FHOD3: variants seen among roughly 807,000 people sequenced by gnomAD.
The protein encoded by FHOD3 is formin homology 2 domain containing 3.
FHOD3 carries 90 observed loss-of-function variants against 173.0 expected under a neutral mutation model. The observed-to-expected ratio is 0.52, with a 90% CI of 0.44 to 0.62. The LOEUF (loss-of-function observed/expected upper bound fraction) is 0.62. FHOD3 is among the 20% of genes least tolerant of loss of function. The probability of loss-of-function intolerance (pLI) is 0.00; values close to 1 mark genes in which losing one functional copy is unlikely to be tolerated. For synonymous variants in FHOD3, 828 were observed against 823.0 expected, an observed-to-expected ratio of 1.01 and a Z score of -0.10; for missense variants, 1,945 against 2,034.7, an observed-to-expected ratio of 0.96 and a Z score of 0.85.
chr18:36,516,868 G>A (rs2056012463), intron 5 of FHOD3, among the ~76,000 whole-genome samples: 1 of 152,208 alleles, frequency 6.6e-6, no homozygotes, highest in Non-Finnish European at 1.5e-5. Context: ...GCTCTGTGTG[G>A]CTACATGGGA....
chr18:36,578,206 G>A (rs1038256635), intron 6 of FHOD3, among the ~76,000 whole-genome samples: 40 of 152,214 alleles, frequency 2.6e-4, no homozygotes, highest in African/African-American at 7.5e-4. Flanking sequence ...AAAGGAAAGA[G>A]GTTTAATGGA....
intron 1 of FHOD3, among the ~76,000 whole-genome samples, chr18:36,351,368 C>A (rs576320942): frequency 6.6e-6 from 1 of 152,084 alleles, no homozygotes; most frequent in African/African-American, 2.4e-5. Flanking sequence ...AGGGGGGACT[C>A]GGGCAGTTCC....
chr18:36,357,014 C>A (rs2046393183), intron 2 of FHOD3, among the ~76,000 whole-genome samples: 1 of 152,204 alleles, frequency 6.6e-6, no homozygotes, highest in East Asian at 1.9e-4. Flanking sequence ...TTCCCTGATA[C>A]TTTCCAAATA....
At chr18:36,420,487 G>A (rs2147070204) in intron 3 of FHOD3, among the ~76,000 whole-genome samples, 1 of 152,342 alleles carries the variant, frequency 6.6e-6, no homozygotes, top group African/African-American at 2.4e-5. Context: ...ACCAGTGTCT[G>A]TGTGCTGCCT....
At chr18:36,622,887 C>T (rs1208660942) in intron 9 of FHOD3, among the ~76,000 whole-genome samples, 2 of 152,146 alleles carry the variant, frequency 1.3e-5, no homozygotes, top group Admixed American at 1.3e-4. Context: ...ACTGATGACT[C>T]TAGAATTCTT....
At chr18:36,722,798 T>G (rs191964697) in intron 19 of FHOD3, among the ~76,000 whole-genome samples, 1 of 152,200 alleles carries the variant, frequency 6.6e-6, no homozygotes, top group Non-Finnish European at 1.5e-5. Flanking sequence ...TGATTTCAGG[T>G]GAAAAATGAG....
At position 36,409,248 on chromosome 18, in the gene FHOD3, T is replaced by C. The variant is rs548099214; in HGVS notation, c.337+36504T>C. On this transcript the variant is annotated intron_variant, in intron 3 of 28. Coordinates refer to ENST00000590592, the MANE Select transcript of FHOD3 (RefSeq NM_001281740.3). ...AGCACCTGCCTTGTAAGAATTAAGC[T>C]GCTGGTCTGAAGCATGCAGGCGTGA... Among the ~76,000 whole-genome samples the C allele has an allele frequency of 1.1e-4, 16 of 152,304 alleles. No homozygotes were observed. The South Asian group carries it at 2.3e-3, about 22-fold the overall frequency.
At chr18:36,590,381 CAT>C (rs903578360) in intron 6 of FHOD3, among the ~76,000 whole-genome samples, 64 of 148,402 alleles carry the variant, frequency 4.3e-4, no homozygotes, top group African/African-American at 1.6e-3. Flanking sequence ...GAGGTTGGCT[CAT>C]AGAATTCTTT....
intron 19 of FHOD3, among the ~76,000 whole-genome samples, chr18:36,720,218 A>G (rs115732591): frequency 0.019 from 2,871 of 148,296 alleles, 97 homozygotes; most frequent in African/African-American, 0.068. Flanking sequence ...CGAGCCATCC[A>G]CATGCCCCGT....
In FHOD3 at chr18:36,594,917, C is replaced by A. The variant is rs756823265; in HGVS notation, c.718+19C>A. ...AAAAGAGGTGAGTAGTCCCTGCCCC[C>A]TTATGTCATGAAGGTGAAGGTGTCT... is the stretch of plus-strand genomic sequence containing the variant. On this transcript the variant is annotated intron_variant, in intron 7 of 28. Coordinates refer to ENST00000590592, the MANE Select transcript of FHOD3 (RefSeq NM_001281740.3). 2 of 1,535,992 alleles carry A rather than the reference C, an allele frequency of 1.3e-6. No individual in the cohort carries two copies. The highest frequency in any genetic ancestry group is 1.8e-6 in the Non-Finnish European group (2 of 1,112,214).
intron 3 of FHOD3, among the ~76,000 whole-genome samples, chr18:36,412,099 T>C (rs2049381529): frequency 6.6e-6 from 1 of 152,106 alleles, no homozygotes; most frequent in Admixed American, 6.5e-5. Context: ...CAATCCCCCA[T>C]CCCACGCAGG....
chr18:36,583,366 A>G (rs571913116), intron 6 of FHOD3, among the ~76,000 whole-genome samples: 47 of 152,206 alleles, frequency 3.1e-4, no homozygotes, highest in Non-Finnish European at 6.2e-4. Flanking sequence ...AATAGTGAAG[A>G]AGACGTAAAA....
chr18:36,733,282 C>A (rs1429769129), intron 20 of FHOD3, among the ~76,000 whole-genome samples: 1 of 152,196 alleles, frequency 6.6e-6, no homozygotes, highest in Non-Finnish European at 1.5e-5. Flanking sequence ...TATCCTCTTA[C>A]AATTTTTCCC....
rs2039087498 is a variant in FHOD3 at position 36,693,546 on chromosome 18, T to TG, written c.2236+128dup. The TG allele has an allele frequency of 5.4e-6, 5 of 921,532 alleles. No homozygotes were observed. In the Admixed American group the frequency reaches 1.2e-4, roughly 22 times the overall value. 57.1% of individuals were successfully genotyped at this position (921,532 alleles called of 1,614,324 possible). A position where few individuals can be genotyped will look rare whatever the true frequency, so the allele number is the denominator to read the frequency against. On this transcript the variant is annotated intron_variant, in intron 17 of 28. Transcript: ENST00000590592. ...GACAGCAACTATGGGTACACTTTGT[T>TG]GGGGGAGGGGGGTTGTGACTGCAAC...
At chr18:36,664,889 CA>C (rs1471797509) in intron 14 of FHOD3, among the ~76,000 whole-genome samples, 4 of 151,644 alleles carry the variant, frequency 2.6e-5, no homozygotes, top group Non-Finnish European at 5.9e-5. Flanking sequence ...ATAATCCCAG[CA>C]CTTTGGGAGG....
At chr18:36,632,847 C>G (rs1001662865) in intron 10 of FHOD3, among the ~76,000 whole-genome samples, 1 of 152,152 alleles carries the variant, frequency 6.6e-6, no homozygotes, top group Middle Eastern at 3.4e-3. Flanking sequence ...AAAAGACAGA[C>G]CAAGACAAGT....
In FHOD3 at chr18:36,619,514, A is replaced by G. The variant is rs371708518; in HGVS notation, c.958-5997A>G. 2.0e-4 allele frequency among the ~76,000 whole-genome samples: 30 copies of G among 152,354 alleles called. No individual in the cohort carries two copies. The East Asian group carries it at 5.6e-3, about 28-fold the overall frequency. On this transcript the variant is annotated intron_variant, in intron 9 of 28. Transcript: ENST00000590592. Reference sequence around the variant, plus strand: ...ATTTAGGAATTTGATTGCTGAAAACAGCACTTCTTCTCCATTCCTGTGATC... The same window carrying G: ...ATTTAGGAATTTGATTGCTGAAAACGGCACTTCTTCTCCATTCCTGTGATC...
chr18:36,406,542 A>G (rs1176454081), intron 3 of FHOD3, among the ~76,000 whole-genome samples: 2 of 152,056 alleles, frequency 1.3e-5, no homozygotes, highest in Non-Finnish European at 2.9e-5. Flanking sequence ...TGACATTTAA[A>G]CGGGGTGTGT....
At chr18:36,618,743 C>T (rs150707093) in intron 9 of FHOD3, among the ~76,000 whole-genome samples, 32 of 152,244 alleles carry the variant, frequency 2.1e-4, no homozygotes, top group African/African-American at 6.7e-4. Flanking sequence ...ATCCCTGCCA[C>T]CTCCCCTTCC....
Sources: gnomAD v4.1 joint callset for allele counts (sites outside exome capture counted in the v4.1 genomes callset) on GRCh38, gnomAD v4.1.1 for gene constraint, MANE v1.5 for transcripts, NCBI Gene and HGNC (gene_info 2026-07-23, HGNC 2026-07-21) for gene names.